ROBO2: variants seen among roughly 807,000 people sequenced by gnomAD.
The protein encoded by ROBO2 is roundabout guidance receptor 2.
Under a neutral mutation model 160.8 loss-of-function variants are expected in ROBO2, and 53 were observed. The observed-to-expected ratio is 0.33, with a 90% CI of 0.26 to 0.41. The LOEUF is 0.41. Ranked by LOEUF, ROBO2 falls within the 10% of genes least tolerant of loss-of-function variation. The pLI is 1.00. For missense variants in ROBO2, 1,577 were observed against 1,722.4 expected (o/e 0.92, Z 1.49); for synonymous variants, 664 against 611.7 (o/e 1.09, Z -1.26).
chr3:77,279,272 T>G (rs1019543314), intron 2 of ROBO2, among the ~76,000 whole-genome samples: 6 of 152,102 alleles, frequency 3.9e-5, no homozygotes, highest in Admixed American at 2.6e-4. Context: ...TTTTAACTCT[T>G]TTGAGTTTAA....
intron 2 of ROBO2, among the ~76,000 whole-genome samples, chr3:76,214,999 C>G (rs1238086947): frequency 6.6e-6 from 1 of 152,144 alleles, no homozygotes; most frequent in East Asian, 1.9e-4. Context: ...GCATTTGAGG[C>G]TCACCAATAT....
intron 2 of ROBO2, among the ~76,000 whole-genome samples, chr3:77,341,317 C>T (rs1458054969): frequency 1.3e-5 from 2 of 152,106 alleles, no homozygotes; most frequent in African/African-American, 4.8e-5. Context: ...TTCTTAGTCA[C>T]AAGGGAATCC....
intron 2 of ROBO2, among the ~76,000 whole-genome samples, chr3:76,118,265 G>C (rs2070563891): frequency 6.6e-6 from 1 of 152,120 alleles, no homozygotes; most frequent in Non-Finnish European, 1.5e-5. Flanking sequence ...GAGAGACAAG[G>C]TCAGTCTTAA....
chr3:77,463,194 C>T lies in ROBO2; in HGVS notation c.389-14220C>T, dbSNP rs148541213. ...AAGTGGGTGATTGAGAAATAAAACT[C>T]TTCTGTTACCTCACAGAGGTAGTCT... On this transcript the variant is annotated intron_variant, in intron 2 of 25. Transcript: ENST00000461745. Among the ~76,000 whole-genome samples, 232 of 152,244 alleles carry T rather than the reference C, an allele frequency of 1.5e-3. 1 individual carries two copies. Among genetic ancestry groups the T allele is most frequent in the African/African-American group, 5.4e-3 (224 of 41,550 alleles).
intron 2 of ROBO2, among the ~76,000 whole-genome samples, chr3:76,055,791 G>A (rs546931290): frequency 1.3e-5 from 2 of 151,818 alleles, no homozygotes; most frequent in East Asian, 1.9e-4. Flanking sequence ...ACGGAGTCTC[G>A]CTCTGTCGGC....
In ROBO2 at chr3:77,315,470, T is replaced by C. The variant is rs62251219; in HGVS notation, c.389-161944T>C. ...CTGGTGAAGTTGATTCCTTTGTCTC[T>C]CCTTAACTTTGAGACACTTAATCAA... On this transcript the variant is annotated intron_variant, in intron 2 of 25. Transcript: ENST00000461745. Among the ~76,000 whole-genome samples, 400 of 152,312 alleles carry C rather than the reference T, an allele frequency of 2.6e-3. 3 individuals carry two copies. Among genetic ancestry groups the C allele is most frequent in the Middle Eastern group, 0.014 (4 of 294 alleles).
At chr3:76,571,346 G>A (rs1325044461) in intron 2 of ROBO2, among the ~76,000 whole-genome samples, 2 of 151,992 alleles carry the variant, frequency 1.3e-5, no homozygotes, top group African/African-American at 4.8e-5. Context: ...TTCTTTGTTT[G>A]AAATAATATA....
chr3:75,965,146 C>T (rs1022695784), intron 2 of ROBO2: 1 of 151,662 alleles, frequency 6.6e-6, no homozygotes, highest in Non-Finnish European at 1.5e-5. Flanking sequence ...TTGAAATTTT[C>T]ACCCAAGCTT....
chr3:76,843,283 T>C (rs1048948664), intron 2 of ROBO2, among the ~76,000 whole-genome samples: 2 of 151,364 alleles, frequency 1.3e-5, no homozygotes, highest in East Asian at 3.9e-4. Context: ...TAATTAAATA[T>C]ATGTATCTGA....
intron 2 of ROBO2, among the ~76,000 whole-genome samples, chr3:76,503,000 A>ATATATATGTG (rs1553776535): frequency 1.4e-5 from 2 of 143,060 alleles, no homozygotes; most frequent in Non-Finnish European, 3.0e-5. Context: ...ATATATATAT[A>ATATATATGTG]TGTGTGTGTG....
chr3:76,297,577 A>T (rs1709135902), intron 2 of ROBO2, among the ~76,000 whole-genome samples: 1 of 151,990 alleles, frequency 6.6e-6, no homozygotes, highest in African/African-American at 2.4e-5. Context: ...TCCTTTAAAA[A>T]TCTCTTTTTA....
intron 2 of ROBO2, among the ~76,000 whole-genome samples, chr3:76,786,289 G>T (rs1160822700): frequency 6.6e-6 from 1 of 151,106 alleles, no homozygotes; most frequent in Non-Finnish European, 1.5e-5. Flanking sequence ...ACCTATATTA[G>T]TCCATTATCG....
At chr3:77,331,984 G>A (rs2066012867) in intron 2 of ROBO2, among the ~76,000 whole-genome samples, 1 of 152,164 alleles carries the variant, frequency 6.6e-6, no homozygotes, top group African/African-American at 2.4e-5. Flanking sequence ...GGGATTACAG[G>A]CGTGAGCCAA....
chr3:76,351,962 T>C (rs1483317163), intron 2 of ROBO2, among the ~76,000 whole-genome samples: 2 of 152,040 alleles, frequency 1.3e-5, no homozygotes, highest in East Asian at 3.9e-4. Flanking sequence ...AACTTTACAA[T>C]GTCATAACTA....
At chr3:76,603,576 C>T (rs1367842760) in intron 2 of ROBO2, among the ~76,000 whole-genome samples, 3 of 151,166 alleles carry the variant, frequency 2.0e-5, no homozygotes, top group African/African-American at 7.3e-5. Context: ...TAAAAGATGG[C>T]TTGAAGTTTT....
At chr3:77,257,819 A>G (rs1376138800) in intron 2 of ROBO2, among the ~76,000 whole-genome samples, 3 of 152,230 alleles carry the variant, frequency 2.0e-5, no homozygotes, top group African/African-American at 7.2e-5. Flanking sequence ...GGTTCGTATT[A>G]TGGGTTAAAT....
chr3:76,036,232 C>T (rs967156131), intron 2 of ROBO2, among the ~76,000 whole-genome samples: 9 of 151,886 alleles, frequency 5.9e-5, no homozygotes, highest in South Asian at 2.1e-4. Context: ...TCACTGCAAC[C>T]GCCGCCTCCC....
At chr3:77,411,687 T>C (rs948371472) in intron 2 of ROBO2, among the ~76,000 whole-genome samples, 3 of 152,228 alleles carry the variant, frequency 2.0e-5, no homozygotes, top group Non-Finnish European at 4.4e-5. Context: ...CACATGTATA[T>C]GTATATTTAT....
intron 1 of ROBO2, among the ~76,000 whole-genome samples, chr3:77,090,404 A>G (rs2070026633): frequency 8.0e-6 from 1 of 124,612 alleles, no homozygotes; most frequent in Non-Finnish European, 1.6e-5. Context: ...CCCAGGCTGG[A>G]GTGCAGTGGC....
Sources: gnomAD v4.1 joint callset for allele counts (sites outside exome capture counted in the v4.1 genomes callset) on GRCh38, gnomAD v4.1.1 for gene constraint, MANE v1.5 for transcripts, NCBI Gene and HGNC (gene_info 2026-07-23, HGNC 2026-07-21) for gene names.